The following GRB10 variants were observed in gnomAD, a reference collection of about 807,000 sequenced individuals.
GRB10 encodes the protein growth factor receptor bound protein 10.
In GRB10, 20 loss-of-function variants were observed where a neutral mutation model predicts 80.9. That is an observed-to-expected ratio of 0.25 (90% CI 0.17 to 0.36). The LOEUF (loss-of-function observed/expected upper bound fraction) is 0.36, where lower values mean the gene tolerates loss of function less well. GRB10 is among the 10% of genes least tolerant of loss of function. The pLI is 1.00. For synonymous variants in GRB10, 291 were observed against 291.5 expected (o/e 1.00, Z 0.02); for missense variants, 548 against 747.7 (o/e 0.73, Z 3.12).
At chr7:50,715,726 C>T (rs1374917517) in intron 4 of GRB10, among the ~76,000 whole-genome samples, 1 of 152,192 alleles carries the variant, frequency 6.6e-6, no homozygotes, top group Non-Finnish European at 1.5e-5. Flanking sequence ...AAATCTACTC[C>T]TAGAACCACG....
intron 3 of GRB10, among the ~76,000 whole-genome samples, chr7:50,738,594 C>T (rs1435213174): frequency 1.3e-5 from 2 of 152,210 alleles, no homozygotes; most frequent in East Asian, 1.9e-4. Flanking sequence ...GAGTTCACCA[C>T]CATGCCCAGA....
chr7:50,615,341 C>T (rs574566509), intron 11 of GRB10, among the ~76,000 whole-genome samples: 6 of 152,322 alleles, frequency 3.9e-5, no homozygotes, highest in East Asian at 3.9e-4. Flanking sequence ...TCCTGCTCTA[C>T]GAAATACCCT....
intron 17 of GRB10, among the ~76,000 whole-genome samples, chr7:50,599,510 C>A (rs565856255): frequency 6.6e-6 from 1 of 152,194 alleles, no homozygotes; most frequent in Admixed American, 6.5e-5. Context: ...TGTGTTAACG[C>A]CTGAATCAAT....
At chr7:50,687,588 G>C (rs2062254862) in intron 5 of GRB10, among the ~76,000 whole-genome samples, 1 of 152,172 alleles carries the variant, frequency 6.6e-6, no homozygotes, top group African/African-American at 2.4e-5. Context: ...GCAGCTCCAT[G>C]CATCTGCGGA....
chr7:50,649,369 A>G (rs1290185331), intron 7 of GRB10, among the ~76,000 whole-genome samples: 2 of 152,158 alleles, frequency 1.3e-5, no homozygotes, highest in Admixed American at 1.3e-4. Flanking sequence ...ATGATGACCA[A>G]GTGGCAGTGA....
Position 50,592,760 on chromosome 7 carries a change from G to T in GRB10, c.*192C>A. ...GGCCGATGCAGAGGGAGGCGACCCT[G>T]CTGGGTTCACAGCAGCAAATCGTCG... On this transcript the variant is annotated 3_prime_UTR_variant, in exon 19 of 19. Coordinates refer to ENST00000401949, the MANE Select transcript of GRB10 (RefSeq NM_001350814.2). The T allele has an allele frequency of 1.5e-6, 1 of 662,108 alleles. No homozygotes were observed. The highest frequency in any genetic ancestry group is 2.6e-6 in the Non-Finnish European group (1 of 379,604). The allele number at this position is 662,108 out of a possible 1,614,324, so 41.0% of individuals were successfully genotyped here. A position where few individuals can be genotyped will look rare whatever the true frequency, so the allele number is the denominator to read the frequency against.
chr7:50,684,684 C>G (rs2061919709), intron 5 of GRB10, among the ~76,000 whole-genome samples: 1 of 152,220 alleles, frequency 6.6e-6, no homozygotes, highest in Non-Finnish European at 1.5e-5. Context: ...ACAGATTCAG[C>G]TAAGCAATTT....
rs1287008209 is a variant in GRB10, at chr7:50,703,890, G to A, written c.70C>T (p.Pro24Ser). 2 of 1,613,138 alleles carry A rather than the reference G, an allele frequency of 1.2e-6. No individual in the cohort carries two copies. The highest frequency in any genetic ancestry group is 1.7e-6 in the Non-Finnish European group (2 of 1,179,320). The change falls in exon 5 of 19, where the codon CCT becomes TCT. Residue 24 changes from proline to serine, a missense_variant. By Grantham distance (74) the Pro-to-Ser change is moderately conservative. Around this residue, in one of 4 missense-constraint regions of GRB10, gnomAD observed 245 missense variants for 229.3 expected, o/e 1.07. Coordinates refer to ENST00000401949, the MANE Select transcript of GRB10 (RefSeq NM_001350814.2). Reference protein sequence around the residue: ...PYYQDKVEQTPRSQQDPAGPG... With the variant: ...PYYQDKVEQTSRSQQDPAGPG... ...CCTGCCGGGTCTTGTTGACTGCGAG[G>A]TGTCTGCTCCACCTTGTCCTAAAAA... is the stretch of plus-strand genomic sequence containing the variant.
chr7:50,720,220 A>G (rs577314534), intron 4 of GRB10, among the ~76,000 whole-genome samples: 6 of 152,340 alleles, frequency 3.9e-5, no homozygotes, highest in African/African-American at 1.2e-4. Context: ...AAACCTCACA[A>G]AAGTTAAAAA....
At chr7:50,667,539 G>A (rs1445724164) in intron 7 of GRB10, among the ~76,000 whole-genome samples, 1 of 152,026 alleles carries the variant, frequency 6.6e-6, no homozygotes, top group Non-Finnish European at 1.5e-5. Flanking sequence ...TAGATCCAAA[G>A]CCCTGGGAAG....
intron 2 of GRB10, among the ~76,000 whole-genome samples, chr7:50,775,179 A>AAAAAAAAC (rs1562689445): frequency 6.7e-6 from 1 of 148,606 alleles, no homozygotes; most frequent in African/African-American, 2.5e-5. Context: ...AAAAACAAAA[A>AAAAAAAAC]AAAACAGTGG....
At chr7:50,616,018 C>T (rs1185656810) in intron 11 of GRB10, among the ~76,000 whole-genome samples, 192 bp downstream of exon 11, 2 of 152,156 alleles carry the variant, frequency 1.3e-5, no homozygotes, top group Non-Finnish European at 2.9e-5. Context: ...TATTTATTAC[C>T]TAGTTTCTGA....
intron 17 of GRB10, among the ~76,000 whole-genome samples, chr7:50,598,389 C>T (rs144782516): frequency 6.6e-6 from 1 of 152,224 alleles, no homozygotes; most frequent in East Asian, 1.9e-4. Flanking sequence ...GTTGTAAACA[C>T]GGCCCAGGAT....
chr7:50,755,773 T>C, intron 3 of GRB10, 114 bp downstream of exon 3: 1 of 397,726 alleles, frequency 2.5e-6, no homozygotes, highest in East Asian at 3.6e-5. Flanking sequence ...AAGGTTCTAG[T>C]ATCAGGCCTC....
intron 7 of GRB10, among the ~76,000 whole-genome samples, chr7:50,643,755 G>A (rs960950835): frequency 6.6e-6 from 1 of 152,160 alleles, no homozygotes; most frequent in Non-Finnish European, 1.5e-5. Context: ...GAATCATGGT[G>A]TGTGTACATA....
intron 17 of GRB10, among the ~76,000 whole-genome samples, chr7:50,600,999 G>A (rs1364041909): frequency 6.6e-6 from 1 of 152,220 alleles, no homozygotes; most frequent in Non-Finnish European, 1.5e-5. Context: ...CTCAGTAGGG[G>A]ACATTTTAAA....
At chr7:50,705,676 C>T (rs981380818) in intron 4 of GRB10, among the ~76,000 whole-genome samples, 35 of 152,276 alleles carry the variant, frequency 2.3e-4, no homozygotes, top group Non-Finnish European at 4.0e-4. Context: ...GTTTTAATAT[C>T]GTTTTTGAAA....
intron 13 of GRB10, among the ~76,000 whole-genome samples, chr7:50,611,720 G>C (rs911142200): frequency 6.6e-6 from 1 of 152,164 alleles, no homozygotes; most frequent in Non-Finnish European, 1.5e-5. Context: ...GGAAAGTTTT[G>C]AGCTATGCTT....
At chr7:50,759,425 C>T (rs1161786371) in intron 2 of GRB10, among the ~76,000 whole-genome samples, 2 of 152,084 alleles carry the variant, frequency 1.3e-5, no homozygotes, top group African/African-American at 2.4e-5. Flanking sequence ...GGTTCCAGGA[C>T]ACCAGAGACA....
Sources: allele counts gnomAD v4.1 joint callset (sites outside exome capture counted in the v4.1 genomes callset), GRCh38; gene constraint gnomAD v4.1.1; regional missense constraint gnomAD v4.1.1; transcripts MANE v1.5; gene names NCBI Gene and HGNC (gene_info 2026-07-23, HGNC 2026-07-21).